Variants in ZNF804B observed in about 807,000 individuals in gnomAD.
The protein encoded by ZNF804B is zinc finger protein 804B.
In ZNF804B, 80 loss-of-function variants were observed where a neutral mutation model predicts 101.4. The ratio of observed to expected loss-of-function variants is 0.79; its 90% CI spans 0.66 to 0.95. The LOEUF is 0.95. Ranked by LOEUF, ZNF804B falls within the 40% of genes least tolerant of loss-of-function variation. The pLI is 0.00. For synonymous variants in ZNF804B, 622 were observed against 558.8 expected, an observed-to-expected ratio of 1.11 and a Z score of -1.59; for missense variants, 1,673 against 1,561.9, an observed-to-expected ratio of 1.07 and a Z score of -1.20.
intron 1 of ZNF804B, among the ~76,000 whole-genome samples, chr7:88,883,770 G>C (rs1474197283): frequency 6.6e-6 from 1 of 151,966 alleles, no homozygotes; most frequent in Non-Finnish European, 1.5e-5. Context: ...TGTGATTCTG[G>C]TTCTATAAGT....
chr7:88,878,702 T>C lies in ZNF804B; in HGVS notation c.108+118618T>C, dbSNP rs571526472. On this transcript the variant is annotated intron_variant, in intron 1 of 3. Coordinates refer to ENST00000333190, the MANE Select transcript of ZNF804B (RefSeq NM_181646.5). ...GCCATTTGGGATAATAATGTACTTT[T>C]ATGCTGAAGGCTGCTTTTAACTAAT... Among the ~76,000 whole-genome samples, 4 of 152,330 alleles carry C rather than the reference T, an allele frequency of 2.6e-5. No homozygotes were observed. In the East Asian group the frequency reaches 7.7e-4, roughly 29 times the overall value.
intron 2 of ZNF804B, among the ~76,000 whole-genome samples, chr7:89,272,985 C>T (rs1584096446): frequency 1.3e-5 from 2 of 152,056 alleles, no homozygotes; most frequent in Admixed American, 1.3e-4. Context: ...TTTTCAAATG[C>T]TATGTAGCTG....
chr7:89,238,863 A>C (rs772452495), intron 2 of ZNF804B, among the ~76,000 whole-genome samples: 11 of 152,180 alleles, frequency 7.2e-5, no homozygotes, highest in Non-Finnish European at 1.5e-4. Context: ...GGCTAGGTCA[A>C]GGTGGCAGAC....
intron 1 of ZNF804B, among the ~76,000 whole-genome samples, chr7:88,899,230 C>T (rs1040673852): frequency 1.3e-5 from 2 of 152,070 alleles, no homozygotes; most frequent in African/African-American, 2.4e-5. Context: ...TTTTCTTACA[C>T]TTCTTATGCA....
intron 1 of ZNF804B, among the ~76,000 whole-genome samples, chr7:89,124,812 T>G (rs967786084): frequency 1.3e-5 from 2 of 152,082 alleles, no homozygotes; most frequent in Non-Finnish European, 2.9e-5. Context: ...AGAATTTTTT[T>G]TTTCAGTTCT....
At chr7:88,963,312 G>A (rs1176363184) in intron 1 of ZNF804B, among the ~76,000 whole-genome samples, 1 of 151,238 alleles carries the variant, frequency 6.6e-6, no homozygotes, top group Non-Finnish European at 1.5e-5. Context: ...CTGGCACAAA[G>A]CCAGATATAT....
chr7:88,996,079 C>A (rs957455512), intron 1 of ZNF804B, among the ~76,000 whole-genome samples: 3 of 151,916 alleles, frequency 2.0e-5, no homozygotes, highest in Admixed American at 6.6e-5. Flanking sequence ...TAAATAAAAT[C>A]TAAGGAAAGC....
At chr7:88,986,193 C>T (rs1030068103) in intron 1 of ZNF804B, among the ~76,000 whole-genome samples, 1 of 152,028 alleles carries the variant, frequency 6.6e-6, no homozygotes, top group African/African-American at 2.4e-5. Flanking sequence ...TAGTTCTATC[C>T]CAATAATTGT....
intron 1 of ZNF804B, among the ~76,000 whole-genome samples, chr7:88,886,299 C>G (rs992261146): frequency 1.4e-5 from 2 of 146,266 alleles, no homozygotes; most frequent in African/African-American, 4.9e-5. Flanking sequence ...GTGTTGATGT[C>G]TACTTGACAG....
chr7:88,929,953 A>G (rs150351503), intron 1 of ZNF804B, among the ~76,000 whole-genome samples: 1 of 151,942 alleles, frequency 6.6e-6, no homozygotes. Context: ...AAAAAAATGT[A>G]TCTTAAAAAT....
At chr7:89,225,666 G>A (rs1292332524) in intron 2 of ZNF804B, among the ~76,000 whole-genome samples, 3 of 152,128 alleles carry the variant, frequency 2.0e-5, no homozygotes, top group South Asian at 2.1e-4. Flanking sequence ...AACATATGGG[G>A]TGCCTAATCT....
At chr7:89,145,066 A>G (rs936141051) in intron 1 of ZNF804B, among the ~76,000 whole-genome samples, 8 of 151,912 alleles carry the variant, frequency 5.3e-5, no homozygotes, top group African/African-American at 1.9e-4. Context: ...TGTTTTTGTC[A>G]TTGCACTCCA....
intron 1 of ZNF804B, among the ~76,000 whole-genome samples, chr7:89,049,105 A>T (rs958099093): frequency 6.6e-6 from 1 of 152,220 alleles, no homozygotes; most frequent in African/African-American, 2.4e-5. Flanking sequence ...TTAACATATC[A>T]TTAACAATCA....
intron 1 of ZNF804B, among the ~76,000 whole-genome samples, chr7:89,063,218 T>G (rs555966110): frequency 6.6e-6 from 1 of 152,276 alleles, no homozygotes; most frequent in Non-Finnish European, 1.5e-5. Context: ...ATATATTTTT[T>G]TCTTTATCAT....
intron 1 of ZNF804B, among the ~76,000 whole-genome samples, chr7:89,145,468 A>G (rs1584013776): frequency 2.0e-5 from 3 of 152,158 alleles, no homozygotes; most frequent in Admixed American, 2.0e-4. Flanking sequence ...TACATTTAAA[A>G]TTTACTTAAT....
At chr7:89,240,445 G>A (rs1157509590) in intron 2 of ZNF804B, among the ~76,000 whole-genome samples, 1 of 151,652 alleles carries the variant, frequency 6.6e-6, no homozygotes, top group Non-Finnish European at 1.5e-5. Flanking sequence ...TAAAATGAGC[G>A]TTTTGTACTG....
At chr7:89,321,799 G>A (rs1006990135) in intron 2 of ZNF804B, among the ~76,000 whole-genome samples, 1 of 151,586 alleles carries the variant, frequency 6.6e-6, no homozygotes, top group Admixed American at 6.6e-5. Context: ...CCAAATAAAT[G>A]GCTTTTAAAA....
intron 1 of ZNF804B, among the ~76,000 whole-genome samples, chr7:89,148,051 GCCAAAAAGGTTAGGGA>G (rs1247310032): frequency 6.6e-6 from 1 of 151,934 alleles, no homozygotes; most frequent in Admixed American, 6.6e-5. Context: ...AATCCCTGGT[GCCAAAAAGGTTAGGGA>G]CCACCTACAT....
At chr7:89,277,150 A>C (rs1789993738) in intron 2 of ZNF804B, among the ~76,000 whole-genome samples, 1 of 148,638 alleles carries the variant, frequency 6.7e-6, no homozygotes, top group Non-Finnish European at 1.5e-5. Context: ...ATAAACACAT[A>C]AATATAAAAT....
Sources: allele counts gnomAD v4.1 joint callset (sites outside exome capture counted in the v4.1 genomes callset), GRCh38; gene constraint gnomAD v4.1.1; transcripts MANE v1.5; gene names NCBI Gene and HGNC (gene_info 2026-07-23, HGNC 2026-07-21).